Variants in ZNF560 observed in about 807,000 individuals in gnomAD.
ZNF560 encodes the protein zinc finger protein 560.
Under a neutral mutation model 81.8 loss-of-function variants are expected in ZNF560, and 54 were observed. The ratio of observed to expected loss-of-function variants is 0.66; its 90% CI spans 0.53 to 0.83. The LOEUF (loss-of-function observed/expected upper bound fraction) is 0.83, where lower values mean the gene tolerates loss of function less well. Among genes scored for constraint, ZNF560 ranks in the 40% least tolerant of loss-of-function variants. The pLI is 0.00. For synonymous variants in ZNF560, 321 were observed against 317.9 expected (o/e 1.01, Z -0.10); for missense variants, 940 against 932.4 (o/e 1.01, Z -0.11).
chr19:9,454,735 AG>A, the ZNF560 span, among the ~76,000 whole-genome samples: 117 of 152,316 alleles, frequency 7.7e-4, no homozygotes, highest in Non-Finnish European at 1.5e-3. Flanking sequence ...GCACTGAAAA[AG>A]GCGTATAAGG....
chr19:9,494,560 C>A (rs919993910), intron 2 of ZNF560, among the ~76,000 whole-genome samples: 4 of 152,062 alleles, frequency 2.6e-5, no homozygotes, highest in African/African-American at 9.7e-5. Context: ...CATGGCGAAA[C>A]CCTGTCACTA....
chr19:9,470,489 C>T lies in ZNF560; in HGVS notation c.351G>A (p.Val117=). The change falls in exon 7 of 10, where the codon GTG becomes GTA. Residue 117 remains valine (V), a synonymous_variant. Coordinates refer to ENST00000301480, the MANE Select transcript of ZNF560 (RefSeq NM_152476.3). ...AAGTCCACTCTTCCTGGGTGAACTCCACAGCCACACTGTCAAAGGTTACCA... is the reference window on the plus strand; with the variant it reads ...AAGTCCACTCTTCCTGGGTGAACTCTACAGCCACACTGTCAAAGGTTACCA... The part of the protein sequence containing the change: ...MDLVTFDSVA[V]EFTQEEWTLL... 2 of 1,614,140 alleles carry T rather than the reference C, an allele frequency of 1.2e-6. No individual in the cohort carries two copies. Among genetic ancestry groups the T allele is most frequent in the Middle Eastern group, 1.6e-4 (1 of 6,062 alleles).
chr19:9,505,562 A>C, the ZNF560 span, among the ~76,000 whole-genome samples: 1 of 152,220 alleles, frequency 6.6e-6, no homozygotes, highest in East Asian at 1.9e-4. Flanking sequence ...CCATTTTGCT[A>C]TATGTGTTCT....
At chr19:9,450,097 C>T in the ZNF560 span, among the ~76,000 whole-genome samples, 322 of 151,612 alleles carry the variant, frequency 2.1e-3, 1 homozygote, top group African/African-American at 7.4e-3. Flanking sequence ...TCAAGACTAG[C>T]CTGGCCAAGA....
chr19:9,477,914 CA>C (rs1333780676), intron 2 of ZNF560, among the ~76,000 whole-genome samples: 2 of 151,962 alleles, frequency 1.3e-5, no homozygotes, highest in East Asian at 1.9e-4. Context: ...GGGACATCAT[CA>C]AAAGAGCAAA....
chr19:9,476,592 T>C (rs908967318), intron 2 of ZNF560, among the ~76,000 whole-genome samples: 1 of 152,054 alleles, frequency 6.6e-6, no homozygotes, highest in Non-Finnish European at 1.5e-5. Flanking sequence ...GCCCGGCCAA[T>C]CTGATGGTTT....
chr19:9,503,449 T>C (rs1450220153), upstream of ZNF560, among the ~76,000 whole-genome samples: 1 of 152,206 alleles, frequency 6.6e-6, no homozygotes, highest in African/African-American at 2.4e-5. Flanking sequence ...GCCTGCTTCC[T>C]GGTTCATACG....
At chr19:9,470,558 T>C (rs746848737) in intron 6 of ZNF560, 40 bp from the exon 7 acceptor site, 2 of 1,614,096 alleles carry the variant, frequency 1.2e-6, no homozygotes, top group South Asian at 1.1e-5. Flanking sequence ...CCAAGCAACA[T>C]CTCCACCAAT....
chr19:9,472,109 C>CAAA (rs35628783), intron 5 of ZNF560, among the ~76,000 whole-genome samples: 1 of 130,002 alleles, frequency 7.7e-6, no homozygotes, highest in Non-Finnish European at 1.6e-5. Context: ...GACTCCGTCT[C>CAAA]AAAAAAAAAA....
intron 1 of ZNF560, 101 bp from the exon 2 acceptor site, chr19:9,498,316 C>T (rs548844650): frequency 1.3e-5 from 2 of 152,310 alleles, no homozygotes; most frequent in Non-Finnish European, 2.9e-5. Context: ...GAAAACAGCC[C>T]TCGGACGCGC....
chr19:9,468,067 C>T lies in ZNF560; in HGVS notation c.880G>A (p.Gly294Ser). Residue 294 changes from glycine (G) to serine (S), a missense_variant, in exon 10 of 10, where the codon GGC becomes AGC. Transcript: ENST00000301480. Reference sequence around the variant, plus strand: ...ATGAAGGCTTTCCCATAGTCAGTGCCTTCAAAGGATTTATCTTGTGTACAC... The same window carrying T: ...ATGAAGGCTTTCCCATAGTCAGTGCTTTCAAAGGATTTATCTTGTGTACAC... ...RKCTQDKSFE[G>S]TDYGKAFIYQ... 1 of 1,614,178 alleles carries T rather than the reference C, an allele frequency of 6.2e-7. No individual in the cohort carries two copies. The highest frequency in any genetic ancestry group is 1.1e-5 in the South Asian group (1 of 91,078).
the ZNF560 span, among the ~76,000 whole-genome samples, chr19:9,459,150 G>C: frequency 2.0e-5 from 3 of 152,194 alleles, no homozygotes; most frequent in African/African-American, 7.2e-5. Flanking sequence ...ACAAGCTATA[G>C]TGGAAAGAAT....
downstream of ZNF560, among the ~76,000 whole-genome samples, chr19:9,466,268 C>T (rs556065597): frequency 5.3e-5 from 8 of 151,684 alleles, no homozygotes; most frequent in South Asian, 1.7e-3. Flanking sequence ...ATTGCTTGAA[C>T]TTGGGAGGCA....
At chr19:9,482,835 G>C (rs552849649) in intron 2 of ZNF560, among the ~76,000 whole-genome samples, 1 of 152,108 alleles carries the variant, frequency 6.6e-6, no homozygotes, top group East Asian at 1.9e-4. Flanking sequence ...ACTGGTTTTC[G>C]TATTTTTTTG....
the ZNF560 span, among the ~76,000 whole-genome samples, chr19:9,458,902 G>T: frequency 2.6e-5 from 4 of 152,344 alleles, no homozygotes; most frequent in Admixed American, 2.6e-4. Flanking sequence ...TCGTTTGGGA[G>T]ACTAGCTTAT....
rs773519939 is a variant in ZNF560, at chr19:9,468,096, C to A, written c.851G>T (p.Arg284Ile). The change falls in exon 10 of 10, where the codon AGA (arginine) becomes ATA (isoleucine). Residue 284 changes from arginine (R) to isoleucine (I), a missense_variant. Arg to Ile is a moderately conservative substitution (Grantham distance 97). Transcript: ENST00000301480. ...FRLILNVQVQ[R>I]KCTQDKSFEG... ...AAAGGATTTATCTTGTGTACACTTT[C>A]TCTGGACCTGAACATTTAAAATCAG... 1 of 1,614,022 alleles carries A rather than the reference C, an allele frequency of 6.2e-7. No homozygotes were observed. Among genetic ancestry groups the A allele is most frequent in the Non-Finnish European group, 8.5e-7 (1 of 1,180,036 alleles).
chr19:9,469,365 A>G (rs917342126), intron 8 of ZNF560, among the ~76,000 whole-genome samples, 178 bp from the exon 9 acceptor site: 1 of 152,206 alleles, frequency 6.6e-6, no homozygotes, highest in African/African-American at 2.4e-5. Flanking sequence ...GGTTAACAGA[A>G]GCAATACTAC....
the ZNF560 span, among the ~76,000 whole-genome samples, chr19:9,460,665 C>T: frequency 2.2e-4 from 34 of 152,156 alleles, no homozygotes; most frequent in Non-Finnish European, 4.3e-4. Flanking sequence ...GCAATAATGC[C>T]TGGACGTAAT....
chr19:9,474,340 A>G lies in ZNF560; in HGVS notation c.31-15T>C, dbSNP rs2073167258. 1.9e-6 allele frequency: 3 copies of G among 1,600,614 alleles called. No homozygotes were observed. The highest frequency in any genetic ancestry group is 2.6e-6 in the Non-Finnish European group (3 of 1,172,614). On this transcript the variant is annotated splice_polypyrimidine_tract_variant and intron_variant, in intron 3 of 9. Transcript: ENST00000301480. ...GTCACGGAGTACTAAACCATCACAT[A>G]CATGTTGATTTGAGCCAAGTAACAG... is the stretch of plus-strand genomic sequence containing the variant.
Sources: allele counts gnomAD v4.1 joint callset (sites outside exome capture counted in the v4.1 genomes callset), GRCh38; gene constraint gnomAD v4.1.1; transcripts MANE v1.5; gene names NCBI Gene and HGNC (gene_info 2026-07-23, HGNC 2026-07-21).